Variants in B3GLCT observed in about 807,000 individuals in gnomAD.
B3GLCT encodes beta-1,3-glucosyltransferase.
Under a neutral mutation model 63.4 loss-of-function variants are expected in B3GLCT, and 65 were observed. The ratio of observed to expected loss-of-function variants is 1.03; its 90% CI spans 0.84 to 1.26. B3GLCT has a LOEUF of 1.26. Among genes scored for constraint, B3GLCT ranks in the 50% most tolerant of loss-of-function variants. The pLI, the probability that B3GLCT is intolerant of heterozygous loss-of-function variation, is 0.00. For missense variants in B3GLCT, 577 were observed against 604.8 expected (o/e 0.95, Z 0.48); for synonymous variants, 233 against 219.2 (o/e 1.06, Z -0.55).
At chr13:31,236,914 G>A (rs908433863) in intron 4 of B3GLCT, among the ~76,000 whole-genome samples, 7 of 152,118 alleles carry the variant, frequency 4.6e-5, no homozygotes, top group African/African-American at 1.7e-4. Flanking sequence ...ATCACCTGAG[G>A]TCTGGAGTTC....
rs180698516 is a variant in B3GLCT, at chr13:31,203,475, C to G, written c.70+3321C>G. On this transcript the variant is annotated intron_variant, in intron 1 of 14. Coordinates refer to ENST00000343307, the MANE Select transcript of B3GLCT (RefSeq NM_194318.4). ...GTGAATTCGAAGGAGGTGCTTTGAC[C>G]CCTTTGGTAACTTCCTGCGGGACAA... 3.3e-5 allele frequency among the ~76,000 whole-genome samples: 5 copies of G among 152,146 alleles called. No homozygotes were observed. The East Asian group carries it at 9.7e-4, about 29-fold the overall frequency.
intron 11 of B3GLCT, among the ~76,000 whole-genome samples, chr13:31,285,699 C>A (rs1873295004): frequency 6.7e-6 from 1 of 148,900 alleles, no homozygotes; most frequent in Admixed American, 6.7e-5. Context: ...ATAATTCTTT[C>A]ATTAATATAG....
chr13:31,309,054 T>A (rs1874562066), intron 12 of B3GLCT, among the ~76,000 whole-genome samples: 1 of 152,164 alleles, frequency 6.6e-6, no homozygotes, highest in Non-Finnish European at 1.5e-5. Flanking sequence ...ATCTCTAAAT[T>A]CCATTGGTAA....
At chr13:31,259,515 C>T (rs1055171325) in intron 6 of B3GLCT, among the ~76,000 whole-genome samples, 14 of 151,550 alleles carry the variant, frequency 9.2e-5, no homozygotes, top group Non-Finnish European at 1.8e-4. Flanking sequence ...TTTTTAGCCT[C>T]TCCACTGCTG....
chr13:31,234,781 G>A (rs1244565066), intron 4 of B3GLCT, among the ~76,000 whole-genome samples: 9 of 152,096 alleles, frequency 5.9e-5, no homozygotes, highest in Admixed American at 2.0e-4. Context: ...AGCATCTCTC[G>A]TCTCTGGCAA....
intron 6 of B3GLCT, 21 bp downstream of exon 6, chr13:31,247,987 A>G (rs750025878): frequency 7.1e-5 from 93 of 1,312,224 alleles, no homozygotes; most frequent in Admixed American, 1.7e-4. Context: ...CTTCAATACC[A>G]GTTCTTATTT....
Position 31,251,393 on chromosome 13 carries a change from C to T in B3GLCT, c.459+3427C>T, listed in dbSNP as rs922940455. ...TGACGAATTGACAGAAGTAGGCTTCCGAAGGTGGGTAATAACAAACTCCTT... is the reference window on the plus strand; with the variant it reads ...TGACGAATTGACAGAAGTAGGCTTCTGAAGGTGGGTAATAACAAACTCCTT... On this transcript the variant is annotated intron_variant, in intron 6 of 14. Transcript: ENST00000343307. Among the ~76,000 whole-genome samples the T allele has an allele frequency of 5.9e-5, 9 of 152,110 alleles. No individual in the cohort carries two copies. The South Asian group carries it at 6.2e-4, about 11-fold the overall frequency.
chr13:31,214,579 A>AC (rs1869456755), intron 1 of B3GLCT, among the ~76,000 whole-genome samples: 1 of 152,100 alleles, frequency 6.6e-6, no homozygotes, highest in Non-Finnish European at 1.5e-5. Flanking sequence ...CACACTTCTA[A>AC]CCTTGCAGCC....
intron 8 of B3GLCT, among the ~76,000 whole-genome samples, chr13:31,270,762 C>T (rs1168099912): frequency 6.6e-6 from 1 of 152,194 alleles, no homozygotes; most frequent in Non-Finnish European, 1.5e-5. Flanking sequence ...TGTAATTTTG[C>T]ATCCTTTTGG....
chr13:31,241,153 C>T (rs140576550), intron 4 of B3GLCT, among the ~76,000 whole-genome samples: 1 of 152,332 alleles, frequency 6.6e-6, no homozygotes, highest in African/African-American at 2.4e-5. Context: ...TCTTTGGTTG[C>T]CCAGCATTTG....
rs1442533813 is a variant in B3GLCT at position 31,329,961 on chromosome 13, A to G, written c.*293A>G. On this transcript the variant is annotated 3_prime_UTR_variant, in exon 15 of 15. Transcript: ENST00000343307. ...GATACAGCAGTTTTTTTTTATTGTC[A>G]CAGGGAAATAAATGGTACCAGAAGT... 1 of 400,136 alleles carries G rather than the reference A, an allele frequency of 2.5e-6. No homozygotes were observed. The highest frequency in any genetic ancestry group is 2.0e-5 in the African/African-American group (1 of 48,900). 24.8% of individuals were successfully genotyped at this position (400,136 alleles called of 1,614,324 possible). A position where few individuals can be genotyped will look rare whatever the true frequency, so the allele number is the denominator to read the frequency against.
intron 10 of B3GLCT, among the ~76,000 whole-genome samples, chr13:31,277,104 G>T (rs1309016178): frequency 6.6e-6 from 1 of 152,138 alleles, no homozygotes; most frequent in African/African-American, 2.4e-5. Flanking sequence ...AGGTCTGTGC[G>T]CAGTCTCTAA....
rs77115717 is a variant in B3GLCT, at chr13:31,308,361, C to CAAAAA, written c.1065-9199_1065-9195dup. 6.1e-5 allele frequency among the ~76,000 whole-genome samples: 4 copies of CAAAAA among 65,626 alleles called. 1 individual carries two copies. Among genetic ancestry groups the CAAAAA allele is most frequent in the South Asian group, 7.8e-4 (1 of 1,284 alleles). The allele number at this position is 65,626 out of a possible 152,430, so 43.1% of individuals were successfully genotyped here. A position where few individuals can be genotyped will look rare whatever the true frequency, so the allele number is the denominator to read the frequency against. ...AAAAAAAAAATTAAAAAAAAAAAAA[C>CAAAAA]AAAAAAAAAAGCTAGTCCCACATGG... On this transcript the variant is annotated intron_variant, in intron 12 of 14. Transcript: ENST00000343307.
At chr13:31,217,694 T>C (rs1310257954) in intron 2 of B3GLCT, among the ~76,000 whole-genome samples, 1 of 152,176 alleles carries the variant, frequency 6.6e-6, no homozygotes, top group African/African-American at 2.4e-5. Flanking sequence ...TATTGAATAG[T>C]GAGTCCTTTC....
chr13:31,213,930 G>A (rs1869423675), intron 1 of B3GLCT, among the ~76,000 whole-genome samples: 1 of 151,970 alleles, frequency 6.6e-6, no homozygotes, highest in African/African-American at 2.4e-5. Flanking sequence ...AAATGGAAAC[G>A]ATGAAACCAT....
At position 31,204,069 on chromosome 13, in the gene B3GLCT, G is replaced by T. The variant is rs151085860; in HGVS notation, c.70+3915G>T. Among the ~76,000 whole-genome samples the T allele has an allele frequency of 6.2e-3, 950 of 152,340 alleles. 6 individuals are homozygous for T. The highest frequency in any genetic ancestry group is 0.022 in the African/African-American group (917 of 41,570). ...GGGAGCTTGCAGCCCGAAAGGCAAG[G>T]TGATGTTAAGCAGTAATGACTACAG... is the stretch of plus-strand genomic sequence containing the variant. On this transcript the variant is annotated intron_variant, in intron 1 of 14. Transcript: ENST00000343307.
At chr13:31,281,131 G>A (rs944038092) in intron 10 of B3GLCT, among the ~76,000 whole-genome samples, 1 of 152,108 alleles carries the variant, frequency 6.6e-6, no homozygotes, top group Non-Finnish European at 1.5e-5. Context: ...GGCAGCCACT[G>A]GTTTTGTTCA....
At chr13:31,326,275 C>CTTTTTTT (rs11415456) in intron 14 of B3GLCT, among the ~76,000 whole-genome samples, 3 of 75,912 alleles carry the variant, frequency 4.0e-5, no homozygotes, top group Non-Finnish European at 6.9e-5. Flanking sequence ...AGGTCTTTCC[C>CTTTTTTT]TTTTTTTTTT....
At chr13:31,329,441 C>T in intron 14 of B3GLCT, 60 bp from the exon 15 acceptor site, 4 of 1,594,624 alleles carry the variant, frequency 2.5e-6, no homozygotes, top group Admixed American at 1.7e-5. Flanking sequence ...TTCAAATGCT[C>T]TTCTGCAGCA....
Sources: allele counts gnomAD v4.1 joint callset (sites outside exome capture counted in the v4.1 genomes callset), GRCh38; gene constraint gnomAD v4.1.1; transcripts MANE v1.5; gene names NCBI Gene and HGNC (gene_info 2026-07-23, HGNC 2026-07-21).